DMRT1: variants seen among roughly 807,000 people sequenced by gnomAD.
DMRT1 encodes doublesex and mab-3 related transcription factor 1, also known as doublesex- and mab-3-related transcription factor 1.
Under a neutral mutation model 32.3 loss-of-function variants are expected in DMRT1, and 7 were observed. The ratio of observed to expected loss-of-function variants is 0.22; its 90% confidence interval spans 0.12 to 0.41. DMRT1 has a LOEUF of 0.41. DMRT1 is among the 10% of genes least tolerant of loss of function. The pLI is 1.00. For missense variants in DMRT1, 625 were observed against 500.5 expected, an observed-to-expected ratio of 1.25 and a Z score of -2.37; for synonymous variants, 278 against 206.1, an observed-to-expected ratio of 1.35 and a Z score of -2.99.
At chr9:938,680 ATC>A (rs1171342924) in intron 4 of DMRT1, among the ~76,000 whole-genome samples, 1 of 152,234 alleles carries the variant, frequency 6.6e-6, no homozygotes, top group Non-Finnish European at 1.5e-5. Flanking sequence ...ATAAGTTTAC[ATC>A]CTCTGTGAAC....
At chr9:875,539 G>A (rs900867922) in intron 2 of DMRT1, among the ~76,000 whole-genome samples, 1 of 152,206 alleles carries the variant, frequency 6.6e-6, no homozygotes, top group Non-Finnish European at 1.5e-5. Context: ...TGATCCAGAT[G>A]TACAAATTCT....
At chr9:851,844 T>C (rs1373146731) in intron 2 of DMRT1, among the ~76,000 whole-genome samples, 1 of 152,146 alleles carries the variant, frequency 6.6e-6, no homozygotes, top group African/African-American at 2.4e-5. Context: ...TCTTACATGA[T>C]TTTGGATATT....
Position 866,354 on chromosome 9 carries a change from A to G in DMRT1, c.538+19211A>G, listed in dbSNP as rs113988987. On this transcript the variant is annotated intron_variant, in intron 2 of 4. Transcript: ENST00000382276. ...ATCAGCACTGGCCTGCGGGTGGGAC[A>G]AGGGAATGTCATAATATTTCAGACC... Among the ~76,000 whole-genome samples the G allele has an allele frequency of 9.9e-3, 1,512 of 152,120 alleles. 41 individuals carry two copies. Among genetic ancestry groups the G allele is most frequent in the African/African-American group, 0.035 (1,438 of 41,474 alleles).
In DMRT1 at chr9:916,506, G is replaced by C. The variant is rs560047453; in HGVS notation, c.823-257G>C. 8.5e-5 allele frequency among the ~76,000 whole-genome samples: 13 copies of C among 152,166 alleles called. No homozygotes were observed. The East Asian group carries it at 2.5e-3, about 29-fold the overall frequency. On this transcript the variant is annotated intron_variant, in intron 3 of 4. Coordinates refer to ENST00000382276, the MANE Select transcript of DMRT1 (RefSeq NM_021951.3). ...CTACCTCAGCCTCCTGAGTAGCTGA[G>C]ATCTCACTCGTGCACTATCACACCC...
At chr9:854,589 CTT>C (rs1017767050) in intron 2 of DMRT1, among the ~76,000 whole-genome samples, 28 of 152,164 alleles carry the variant, frequency 1.8e-4, no homozygotes, top group African/African-American at 6.5e-4. Flanking sequence ...TGGATTGAGA[CTT>C]TATTTTTGAA....
At chr9:874,969 G>C (rs532420923) in intron 2 of DMRT1, among the ~76,000 whole-genome samples, 1 of 151,682 alleles carries the variant, frequency 6.6e-6, no homozygotes, top group Non-Finnish European at 1.5e-5. Flanking sequence ...CACCACGCCC[G>C]GCAAATTTTT....
In DMRT1 at chr9:968,182, T is replaced by C; in HGVS notation, c.*43T>C. 1 of 1,610,236 alleles carries C rather than the reference T, an allele frequency of 6.2e-7. No individual in the cohort carries two copies. Among genetic ancestry groups the C allele is most frequent in the Non-Finnish European group, 8.5e-7 (1 of 1,178,218 alleles). ...TGGCGGTTCACTTGGAGTAACAGGC[T>C]TATTCCACTTTCCATGGGGTTTGTT... On this transcript the variant is annotated 3_prime_UTR_variant, in exon 5 of 5. Transcript: ENST00000382276.
chr9:849,610 A>C (rs1839051780), intron 2 of DMRT1, among the ~76,000 whole-genome samples: 2 of 152,180 alleles, frequency 1.3e-5, no homozygotes, highest in South Asian at 4.1e-4. Flanking sequence ...TAGGGGGGCA[A>C]GATAGAGGGT....
intron 2 of DMRT1, among the ~76,000 whole-genome samples, chr9:860,668 G>A (rs1211368778): frequency 6.6e-6 from 1 of 152,182 alleles, no homozygotes; most frequent in Non-Finnish European, 1.5e-5. Flanking sequence ...AGTGGTAAGT[G>A]CTGTAAAGAA....
At chr9:857,097 C>G (rs147803334) in intron 2 of DMRT1, among the ~76,000 whole-genome samples, 2 of 151,988 alleles carry the variant, frequency 1.3e-5, no homozygotes. Flanking sequence ...GGTGGATCAC[C>G]TGAGGTCAGG....
chr9:887,164 A>G (rs1010613852), intron 2 of DMRT1, among the ~76,000 whole-genome samples: 4 of 152,174 alleles, frequency 2.6e-5, no homozygotes, highest in African/African-American at 4.8e-5. Context: ...ACGCCACTGC[A>G]CTCCAGCCTG....
At chr9:869,669 A>G (rs1816147263) in intron 2 of DMRT1, among the ~76,000 whole-genome samples, 1 of 152,104 alleles carries the variant, frequency 6.6e-6, no homozygotes. Flanking sequence ...AGCTCTCTAT[A>G]TTTAATCTGC....
Position 879,220 on chromosome 9 carries a change from G to A in DMRT1, c.539-14692G>A, listed in dbSNP as rs150745015. The stretch of plus-strand genomic sequence containing the variant: ...CAGAATCTCTCTACAACCTTAAAAA[G>A]TATTGAGGACCTCAAGAGCTTTTAT... On this transcript the variant is annotated intron_variant, in intron 2 of 4. Transcript: ENST00000382276. 4.5e-3 allele frequency among the ~76,000 whole-genome samples: 683 copies of A among 152,100 alleles called. 5 individuals carry two copies. Among genetic ancestry groups the A allele is most frequent in the African/African-American group, 0.016 (650 of 41,482 alleles).
chr9:938,321 A>G (rs1818952597), intron 4 of DMRT1, among the ~76,000 whole-genome samples: 4 of 152,152 alleles, frequency 2.6e-5, no homozygotes, highest in South Asian at 4.1e-4. Flanking sequence ...ACAGATTTTG[A>G]GATTTTGATG....
intron 3 of DMRT1, among the ~76,000 whole-genome samples, chr9:897,036 A>G (rs979525716): frequency 2.0e-5 from 3 of 151,588 alleles, no homozygotes; most frequent in African/African-American, 7.3e-5. Context: ...GTCAATTTTA[A>G]TCCCCTGAGC....
chr9:875,433 C>T (rs946030652), intron 2 of DMRT1, among the ~76,000 whole-genome samples: 4 of 152,138 alleles, frequency 2.6e-5, no homozygotes, highest in African/African-American at 4.8e-5. Flanking sequence ...TTCCTAGGTT[C>T]TGCATCTATT....
chr9:950,701 A>G (rs1033666324), intron 4 of DMRT1, among the ~76,000 whole-genome samples: 2 of 152,152 alleles, frequency 1.3e-5, no homozygotes, highest in African/African-American at 4.8e-5. Flanking sequence ...CTGGTAGATG[A>G]GCCTTCCTAA....
chr9:954,831 A>G (rs1345244754), intron 4 of DMRT1, among the ~76,000 whole-genome samples: 2 of 152,042 alleles, frequency 1.3e-5, no homozygotes, highest in East Asian at 1.9e-4. Flanking sequence ...TAGTAGAGAC[A>G]GGGTTTCACC....
chr9:890,641 G>C (rs1389234302), intron 2 of DMRT1, among the ~76,000 whole-genome samples: 3 of 152,168 alleles, frequency 2.0e-5, no homozygotes, highest in Non-Finnish European at 2.9e-5. Context: ...TTTGGGCCAT[G>C]CATTGTGCTG....
Sources: gnomAD v4.1 joint callset for allele counts (sites outside exome capture counted in the v4.1 genomes callset) on GRCh38, gnomAD v4.1.1 for gene constraint, MANE v1.5 for transcripts, NCBI Gene and HGNC (gene_info 2026-07-23, HGNC 2026-07-21) for gene names.